ABL1: variants seen among roughly 807,000 people sequenced by gnomAD.
ABL1 encodes the protein ABL proto-oncogene 1, non-receptor tyrosine kinase.
Under a neutral mutation model 94.7 loss-of-function variants are expected in ABL1, and 11 were observed. That is an observed-to-expected ratio of 0.12 (90% confidence interval 0.07 to 0.19). The LOEUF (loss-of-function observed/expected upper bound fraction) is 0.19. Among genes scored for constraint, ABL1 ranks in the 10% least tolerant of loss-of-function variants. ABL1 has a pLI of 1.00. For missense variants in ABL1, 1,082 were observed against 1,489.4 expected (o/e 0.73, Z 4.50); for synonymous variants, 656 against 622.4 (o/e 1.05, Z -0.80).
intron 1 of ABL1, among the ~76,000 whole-genome samples, chr9:130,747,357 A>G (rs1323431866): frequency 1.3e-5 from 2 of 152,026 alleles, no homozygotes; most frequent in African/African-American, 4.8e-5. Context: ...CATCCTGAGC[A>G]AGAGTAAGAC....
intron 1 of ABL1, chr9:130,724,769 A>AC (rs1348485422): frequency 2.1e-6 from 1 of 467,402 alleles, no homozygotes; most frequent in East Asian, 5.5e-5. Flanking sequence ...AAAAAAAAAA[A>AC]AGCAAATAAA....
At chr9:130,787,472 A>G (rs921547031) in intron 1 of ABL1, among the ~76,000 whole-genome samples, 2 of 151,996 alleles carry the variant, frequency 1.3e-5, no homozygotes, top group Non-Finnish European at 2.9e-5. Context: ...AGACGATCAT[A>G]TTTGCTGGTA....
chr9:130,812,008 G>A (rs1588248488), intron 1 of ABL1, among the ~76,000 whole-genome samples: 1 of 148,682 alleles, frequency 6.7e-6, no homozygotes. Context: ...AGCAAACAGA[G>A]CAGATGGGAC....
intron 1 of ABL1, among the ~76,000 whole-genome samples, chr9:130,755,600 C>T (rs1250726606): frequency 2.6e-5 from 4 of 152,204 alleles, no homozygotes; most frequent in South Asian, 2.1e-4. Context: ...TTCAGCAAGA[C>T]GTGCCCCCTC....
At chr9:130,803,266 G>A (rs529513472) in intron 1 of ABL1, among the ~76,000 whole-genome samples, 2 of 152,070 alleles carry the variant, frequency 1.3e-5, no homozygotes, top group African/African-American at 4.8e-5. Context: ...TCACGAACTC[G>A]TGAACTCATG....
At chr9:130,714,668 T>C (rs1388605753) in intron 1 of ABL1, among the ~76,000 whole-genome samples, 1 of 152,220 alleles carries the variant, frequency 6.6e-6, no homozygotes, top group Non-Finnish European at 1.5e-5. Flanking sequence ...GTTGCTTATT[T>C]CTTGCCTGAT....
intron 3 of ABL1, among the ~76,000 whole-genome samples, chr9:130,855,777 A>G (rs1588269520): frequency 6.6e-6 from 1 of 152,246 alleles, no homozygotes; most frequent in African/African-American, 2.4e-5. Flanking sequence ...CATTAAAGAA[A>G]GGGAGGCATA....
chr9:130,841,950 G>GA (rs375464096), intron 1 of ABL1, among the ~76,000 whole-genome samples: 2 of 150,030 alleles, frequency 1.3e-5, no homozygotes, highest in African/African-American at 5.0e-5. Context: ...GAGAGAGAGA[G>GA]GGAGGGAGGA....
At chr9:130,719,102 C>A (rs574392685) in intron 1 of ABL1, among the ~76,000 whole-genome samples, 16 of 152,012 alleles carry the variant, frequency 1.1e-4, no homozygotes, top group Non-Finnish European at 2.2e-4. Flanking sequence ...GATTTTACAC[C>A]GAAATTTTTA....
intron 10 of ABL1, among the ~76,000 whole-genome samples, chr9:130,883,470 G>A (rs982034248): frequency 3.3e-5 from 5 of 149,438 alleles, no homozygotes; most frequent in East Asian, 2.0e-4. Flanking sequence ...GCACTCCAGC[G>A]TAGGCAACAA....
Position 130,848,939 on chromosome 9 carries a change from C to T in ABL1, c.80-5125C>T, listed in dbSNP as rs987056661. ...GAGTGTCAAGAACGAGACTCCGTCT[C>T]GAGAAAAAAAAAAAAGAAAAGTAAA... On this transcript the variant is annotated intron_variant, in intron 1 of 10. Coordinates refer to ENST00000318560, the MANE Select transcript of ABL1 (RefSeq NM_005157.6). 6.3e-4 allele frequency among the ~76,000 whole-genome samples: 94 copies of T among 149,904 alleles called. No individual in the cohort carries two copies. In the Middle Eastern group the frequency reaches 0.014, roughly 22 times the overall value.
chr9:130,744,418 G>A (rs906478692), intron 1 of ABL1, among the ~76,000 whole-genome samples: 7 of 151,588 alleles, frequency 4.6e-5, no homozygotes, highest in African/African-American at 9.7e-5. Context: ...TGGGATTACA[G>A]GGGTGAGCCA....
At chr9:130,832,776 C>T (rs1331096772), upstream of ABL1, among the ~76,000 whole-genome samples, 2 of 152,168 alleles carry the variant, frequency 1.3e-5, no homozygotes, top group African/African-American at 4.8e-5. Flanking sequence ...TAGAAGGAAT[C>T]CTTCTTGGGG....
chr9:130,842,938 T>G (rs947196667), intron 1 of ABL1, among the ~76,000 whole-genome samples: 6 of 152,330 alleles, frequency 3.9e-5, no homozygotes, highest in East Asian at 1.9e-4. Flanking sequence ...CACAGAGAAC[T>G]GTGTTTTTAC....
chr9:130,784,855 C>T (rs1829805636), intron 1 of ABL1, among the ~76,000 whole-genome samples: 1 of 152,184 alleles, frequency 6.6e-6, no homozygotes, highest in African/African-American at 2.4e-5. Context: ...GCTTCCCCTG[C>T]ATAAGGCCAT....
chr9:130,812,200 CAAAAAAAAAAAA>C (rs35352789), intron 1 of ABL1, among the ~76,000 whole-genome samples: 1 of 48,778 alleles, frequency 2.1e-5, no homozygotes, highest in African/African-American at 6.3e-5. Context: ...TCCATCTCTA[CAAAAAAAAAAAA>C]AAAAAAAAAA....
At chr9:130,818,334 G>A (rs779038369) in intron 1 of ABL1, among the ~76,000 whole-genome samples, 26 of 152,126 alleles carry the variant, frequency 1.7e-4, no homozygotes, top group Admixed American at 3.3e-4. Context: ...GCCATACATC[G>A]TGGCGCATGC....
At chr9:130,824,384 C>T (rs185429926) in intron 1 of ABL1, among the ~76,000 whole-genome samples, 20 of 152,258 alleles carry the variant, frequency 1.3e-4, no homozygotes, top group African/African-American at 3.8e-4. Flanking sequence ...AGGCCCTCAA[C>T]GGACTGGAGG....
chr9:130,859,691 T>C lies in ABL1; in HGVS notation c.550-3072T>C, dbSNP rs1159210696. Among the ~76,000 whole-genome samples the C allele has an allele frequency of 2.0e-3, 247 of 123,754 alleles. 9 individuals carry two copies. Among genetic ancestry groups the C allele is most frequent in the African/African-American group, 7.8e-3 (229 of 29,360 alleles). The allele number at this position is 123,754 out of a possible 152,430, so 81.2% of individuals were successfully genotyped here. A position where few individuals can be genotyped will look rare whatever the true frequency, so the allele number is the denominator to read the frequency against. Reference sequence around the variant, plus strand: ...TTCTTTCTTTCCTTTTTTTTTTTTTTTTTTTTTTTTTTTTTGAGACAGGCT... The same window carrying C: ...TTCTTTCTTTCCTTTTTTTTTTTTTCTTTTTTTTTTTTTTTGAGACAGGCT... On this transcript the variant is annotated intron_variant, in intron 3 of 10. Coordinates refer to ENST00000318560, the MANE Select transcript of ABL1 (RefSeq NM_005157.6).
Sources: allele counts gnomAD v4.1 joint callset (sites outside exome capture counted in the v4.1 genomes callset), GRCh38; gene constraint gnomAD v4.1.1; transcripts MANE v1.5; gene names NCBI Gene and HGNC (gene_info 2026-07-23, HGNC 2026-07-21).